The following SMARCC1 variants were observed in gnomAD, a reference collection of about 807,000 sequenced individuals.
SMARCC1 encodes the protein SWI/SNF complex subunit SMARCC1.
SMARCC1 carries 43 observed loss-of-function variants against 147.4 expected under a neutral mutation model. The observed-to-expected ratio is 0.29, with a 90% CI of 0.23 to 0.38. The LOEUF (loss-of-function observed/expected upper bound fraction) is 0.38. Among genes scored for constraint, SMARCC1 ranks in the 10% least tolerant of loss-of-function variants. The pLI, the probability that SMARCC1 is intolerant of heterozygous loss-of-function variation, is 1.00. For synonymous variants in SMARCC1, 495 were observed against 484.4 expected (o/e 1.02, Z -0.29); for missense variants, 1,119 against 1,381.1 (o/e 0.81, Z 3.01).
At chr3:47,719,161 G>A (rs564297375) in intron 7 of SMARCC1, among the ~76,000 whole-genome samples, 3 of 151,942 alleles carry the variant, frequency 2.0e-5, no homozygotes, top group Non-Finnish European at 2.9e-5. Flanking sequence ...TGATCCGCCC[G>A]CCTTGGCCTC....
At chr3:47,722,078 T>G (rs2034239096) in intron 6 of SMARCC1, among the ~76,000 whole-genome samples, 1 of 151,578 alleles carries the variant, frequency 6.6e-6, no homozygotes, top group African/African-American at 2.4e-5. Context: ...TAACTCAACA[T>G]GGCAGAGGAA....
intron 2 of SMARCC1, among the ~76,000 whole-genome samples, chr3:47,759,071 G>C: frequency 6.6e-6 from 1 of 151,660 alleles, no homozygotes; most frequent in Non-Finnish European, 1.5e-5. Context: ...ATAGTGCAGA[G>C]GTGCAATCTC....
chr3:47,748,227 T>G (rs1047912812), intron 2 of SMARCC1, among the ~76,000 whole-genome samples: 4 of 152,156 alleles, frequency 2.6e-5, no homozygotes, highest in Non-Finnish European at 5.9e-5. Context: ...CTTTTTTATC[T>G]TTTTGAAACA....
At chr3:47,705,099 G>A (rs769351178) in intron 10 of SMARCC1, among the ~76,000 whole-genome samples, 3 of 151,874 alleles carry the variant, frequency 2.0e-5, no homozygotes, top group Admixed American at 6.6e-5. Context: ...CGAGGCAGGT[G>A]GATCACGAGG....
chr3:47,663,249 AG>A (rs2106738663), intron 19 of SMARCC1, among the ~76,000 whole-genome samples: 1 of 144,830 alleles, frequency 6.9e-6, no homozygotes, highest in East Asian at 2.1e-4. Context: ...GAAGGAAGGA[AG>A]GAAGGAAGGA....
chr3:47,729,812 C>T (rs2034346836), intron 5 of SMARCC1, among the ~76,000 whole-genome samples: 1 of 152,132 alleles, frequency 6.6e-6, no homozygotes, highest in African/African-American at 2.4e-5. Context: ...ACAGATACAT[C>T]GTCAAGTTCA....
intron 24 of SMARCC1, among the ~76,000 whole-genome samples, chr3:47,626,194 T>TTCTA (rs2032806584): frequency 6.6e-6 from 1 of 151,040 alleles, no homozygotes; most frequent in Non-Finnish European, 1.5e-5. Context: ...TCGCCCAGGC[T>TTCTA]GGAGTACAGT....
chr3:47,770,852 T>A (rs772779595), intron 2 of SMARCC1, among the ~76,000 whole-genome samples: 1 of 152,110 alleles, frequency 6.6e-6, no homozygotes, highest in African/African-American at 2.4e-5. Flanking sequence ...AATAAAAACA[T>A]CACAGACAAA....
intron 14 of SMARCC1, among the ~76,000 whole-genome samples, chr3:47,684,510 G>A (rs977782326): frequency 6.6e-6 from 1 of 150,430 alleles, no homozygotes; most frequent in Non-Finnish European, 1.5e-5. Flanking sequence ...GCTTGATCTC[G>A]GCTCAATGCA....
At chr3:47,680,799 G>T (rs995632546) in intron 14 of SMARCC1, among the ~76,000 whole-genome samples, 1 of 151,650 alleles carries the variant, frequency 6.6e-6, no homozygotes, top group Non-Finnish European at 1.5e-5. Flanking sequence ...CGCCCGCCTC[G>T]GCCTCCCAAA....
intron 23 of SMARCC1, among the ~76,000 whole-genome samples, chr3:47,635,801 T>C (rs1462651516): frequency 1.3e-5 from 2 of 152,220 alleles, no homozygotes; most frequent in Admixed American, 6.5e-5. Context: ...TTCAATACTG[T>C]TGAATAACTT....
chr3:47,714,267 C>G, intron 8 of SMARCC1, 148 bp downstream of exon 8: 1 of 600,062 alleles, frequency 1.7e-6, no homozygotes, highest in South Asian at 2.0e-5. Flanking sequence ...GGGAGGCTAA[C>G]GCACGAGAAT....
intron 24 of SMARCC1, among the ~76,000 whole-genome samples, chr3:47,628,090 T>C (rs1335990040): frequency 1.3e-5 from 2 of 152,028 alleles, no homozygotes. Context: ...CTTAGGTCTG[T>C]AAGTTAAAGT....
intron 14 of SMARCC1, among the ~76,000 whole-genome samples, chr3:47,684,313 G>A (rs1412582508): frequency 6.6e-6 from 1 of 151,562 alleles, no homozygotes; most frequent in African/African-American, 2.4e-5. Context: ...AGTGCTTGCT[G>A]TAAAAATCAG....
At chr3:47,634,448 T>C (rs2032941752) in intron 24 of SMARCC1, among the ~76,000 whole-genome samples, 1 of 152,210 alleles carries the variant, frequency 6.6e-6, no homozygotes, top group Admixed American at 6.5e-5. Context: ...AAAAAGCATC[T>C]TTATTAAAAG....
At chr3:47,718,033 A>G (rs2106806568) in intron 7 of SMARCC1, among the ~76,000 whole-genome samples, 1 of 150,812 alleles carries the variant, frequency 6.6e-6, no homozygotes, top group East Asian at 2.0e-4. Context: ...TATGGGTGGC[A>G]CGTGCCCGTA....
chr3:47,710,933 G>A lies in SMARCC1; in HGVS notation c.793-125C>T, dbSNP rs1021514603. ...CAAATGCATAAAACATTAATAATGTGATACTACTAATGATATGTGAGTTGT... is the reference window on the plus strand; with the variant it reads ...CAAATGCATAAAACATTAATAATGTAATACTACTAATGATATGTGAGTTGT... On this transcript the variant is annotated intron_variant, in intron 8 of 27. Transcript: ENST00000254480. 3.1e-4 allele frequency: 188 copies of A among 606,794 alleles called. 1 individual carries two copies. In the East Asian group the frequency reaches 5.4e-3, roughly 18 times the overall value. The allele number at this position is 606,794 out of a possible 1,614,324, so 37.6% of individuals were successfully genotyped here.
chr3:47,665,994 G>A (rs1271686615), intron 19 of SMARCC1, among the ~76,000 whole-genome samples: 1 of 151,746 alleles, frequency 6.6e-6, no homozygotes, highest in Non-Finnish European at 1.5e-5. Flanking sequence ...CCTTCTCCAC[G>A]CTGCTAGGGT....
rs146791793 is a variant in SMARCC1 at position 47,715,172 on chromosome 3, A to G, written c.717-682T>C. On this transcript the variant is annotated intron_variant, in intron 7 of 27. Transcript: ENST00000254480. ...TCCCTTGCTAATTTCATTCATTCCT[A>G]TAACTCCAAATATACGCTGATGACT... is the stretch of plus-strand genomic sequence containing the variant. Among the ~76,000 whole-genome samples, 550 of 152,248 alleles carry G rather than the reference A, an allele frequency of 3.6e-3. 4 individuals carry two copies. Among genetic ancestry groups the G allele is most frequent in the African/African-American group, 9.4e-3 (390 of 41,528 alleles).
Sources: allele counts gnomAD v4.1 joint callset (sites outside exome capture counted in the v4.1 genomes callset), GRCh38; gene constraint gnomAD v4.1.1; transcripts MANE v1.5; gene names NCBI Gene and HGNC (gene_info 2026-07-23, HGNC 2026-07-21).